ARHGAP19: variants seen among roughly 807,000 people sequenced by gnomAD.
ARHGAP19 encodes rho GTPase-activating protein 19.
Under a neutral mutation model 60.9 loss-of-function variants are expected in ARHGAP19, and 48 were observed. The ratio of observed to expected loss-of-function variants is 0.79; its 90% CI spans 0.62 to 1.00. The LOEUF is 1.00. Ranked by LOEUF, ARHGAP19 falls within the 50% of genes least tolerant of loss-of-function variation. ARHGAP19 has a pLI of 0.00. For missense variants in ARHGAP19, 562 were observed against 597.2 expected, an observed-to-expected ratio of 0.94 and a Z score of 0.61; for synonymous variants, 209 against 215.5, an observed-to-expected ratio of 0.97 and a Z score of 0.27.
intron 8 of ARHGAP19, among the ~76,000 whole-genome samples, chr10:97,237,781 G>C (rs747296351): frequency 2.0e-5 from 3 of 151,968 alleles, no homozygotes; most frequent in Admixed American, 1.3e-4. Context: ...TGAGGCAGGA[G>C]AATCGCTTGA....
intron 6 of ARHGAP19, among the ~76,000 whole-genome samples, chr10:97,250,785 G>T (rs1465054461): frequency 1.3e-5 from 2 of 151,596 alleles, no homozygotes; most frequent in Non-Finnish European, 2.9e-5. Flanking sequence ...AAGAAAGAAG[G>T]CCAAGAGCGG....
chr10:97,262,180 A>T (rs78428250), intron 4 of ARHGAP19, among the ~76,000 whole-genome samples: 5 of 124,470 alleles, frequency 4.0e-5, no homozygotes, highest in East Asian at 6.2e-4. Flanking sequence ...GCTTTCTTTT[A>T]AAAAAAAAAA....
intron 1 of ARHGAP19, among the ~76,000 whole-genome samples, chr10:97,281,982 G>A (rs1843091253): frequency 6.6e-6 from 1 of 152,122 alleles, no homozygotes; most frequent in Admixed American, 6.6e-5. Context: ...GTACACAGGG[G>A]AGTTACAGAG....
intron 6 of ARHGAP19, among the ~76,000 whole-genome samples, chr10:97,252,553 G>A (rs1051045582): frequency 6.6e-6 from 1 of 151,700 alleles, no homozygotes; most frequent in Admixed American, 6.6e-5. Flanking sequence ...GAACCTGGGA[G>A]GCAGAGCTTG....
intron 9 of ARHGAP19, among the ~76,000 whole-genome samples, chr10:97,231,913 C>T (rs2134810884): frequency 1.3e-5 from 2 of 151,590 alleles, no homozygotes; most frequent in East Asian, 3.9e-4. Context: ...CATTTTACAT[C>T]CCTATCAATA....
chr10:97,258,834 AAG>A (rs987240278), intron 5 of ARHGAP19: 26 of 152,350 alleles, frequency 1.7e-4, no homozygotes, highest in African/African-American at 5.8e-4. Context: ...TAAAAAAAAA[AAG>A]AGAGTGAGTT....
intron 1 of ARHGAP19, among the ~76,000 whole-genome samples, chr10:97,276,812 C>T (rs1364549475): frequency 6.3e-4 from 6 of 9,514 alleles, no homozygotes; most frequent in African/African-American, 7.4e-4. Context: ...CCAGCCGCCC[C>T]GTCCGGGAGG....
At chr10:97,290,939 C>T (rs1843222852) in intron 1 of ARHGAP19, among the ~76,000 whole-genome samples, 3 of 152,086 alleles carry the variant, frequency 2.0e-5, no homozygotes, top group South Asian at 4.1e-4. Flanking sequence ...AGAAGGGGGA[C>T]TGAGAGACAG....
Position 97,289,900 on chromosome 10 carries a change from GAAAAT to G in ARHGAP19, c.56+2667_56+2671del, listed in dbSNP as rs1164134212. On this transcript the variant is annotated intron_variant, in intron 1 of 11. Transcript: ENST00000358531. ...GAAAGAAAAGAAAAAGAAAAGAAAA[GAAAAT>G]AAATTCAAACTACTCTTGCTATGGA... Among the ~76,000 whole-genome samples, 14 of 151,050 alleles carry G rather than the reference GAAAAT, an allele frequency of 9.3e-5. No individual in the cohort carries two copies. In the South Asian group the frequency reaches 2.3e-3, roughly 25 times the overall value.
chr10:97,286,522 G>A (rs889908819), intron 1 of ARHGAP19, among the ~76,000 whole-genome samples: 1 of 152,206 alleles, frequency 6.6e-6, no homozygotes, highest in Non-Finnish European at 1.5e-5. Flanking sequence ...AACCCAGAAG[G>A]CGGAGGTTGC....
chr10:97,243,951 T>G lies in ARHGAP19; in HGVS notation c.1185+17A>C, dbSNP rs202160700. The G allele has an allele frequency of 2.5e-6, 4 of 1,587,706 alleles. No homozygotes were observed. In the East Asian group the frequency reaches 8.9e-5, roughly 36 times the overall value. The stretch of plus-strand genomic sequence containing the variant: ...ACACTCCTAAAGCCCCATCACAACT[T>G]CCCTGCCTTTAGGCACCTGTCTAAT... On this transcript the variant is annotated intron_variant, in intron 8 of 11. Transcript: ENST00000358531.
chr10:97,259,513 C>CA lies in ARHGAP19; in HGVS notation c.728dup (p.Lys244GlufsTer5). 6.2e-7 allele frequency: 1 copy of CA among 1,614,172 alleles called. No homozygotes were observed. The highest frequency in any genetic ancestry group is 8.5e-7 in the Non-Finnish European group (1 of 1,180,026). On this transcript the variant is annotated frameshift_variant, in exon 5 of 12. Transcript: ENST00000358531. LOFTEE classifies it high-confidence loss of function. ...GGTATAGGAGATCAAGCAATAACTT[C>CA]AGCAAATTACGATTAGGAGGAGGGA...
At chr10:97,229,022 G>A in intron 11 of ARHGAP19, 125 bp downstream of exon 11, 1 of 908,498 alleles carries the variant, frequency 1.1e-6, no homozygotes, top group Non-Finnish European at 1.8e-6. Flanking sequence ...CAAGGACCTG[G>A]CCTTGTAATT....
chr10:97,228,504 A>G (rs1850941027), intron 11 of ARHGAP19, among the ~76,000 whole-genome samples: 1 of 152,222 alleles, frequency 6.6e-6, no homozygotes. Flanking sequence ...TTCATAGAGA[A>G]TGGGTGGTTT....
intron 1 of ARHGAP19, among the ~76,000 whole-genome samples, chr10:97,290,038 CAA>C (rs879609753): frequency 7.1e-6 from 1 of 140,624 alleles, no homozygotes; most frequent in African/African-American, 2.6e-5. Context: ...AGTTCCCGGG[CAA>C]AAAAAAAAAA....
Position 97,224,833 on chromosome 10 carries a change from C to G in ARHGAP19, c.*1289G>C, listed in dbSNP as rs1432224623. ...ACTAGGTCAAAGCCATGCCACTGCT[C>G]TATCCAACACAAGTGAACACACCAA... On this transcript the variant is annotated 3_prime_UTR_variant, in exon 12 of 12. Transcript: ENST00000358531. The G allele has an allele frequency of 6.6e-6, 1 of 152,346 alleles. No individual in the cohort carries two copies. The highest frequency in any genetic ancestry group is 2.4e-5 in the African/African-American group (1 of 41,460). 9.4% of individuals were successfully genotyped at this position (152,346 alleles called of 1,614,324 possible). A position where few individuals can be genotyped will look rare whatever the true frequency, so the allele number is the denominator to read the frequency against.
chr10:97,279,344 C>A (rs1451090673), intron 1 of ARHGAP19, among the ~76,000 whole-genome samples: 3 of 152,118 alleles, frequency 2.0e-5, no homozygotes, highest in Non-Finnish European at 4.4e-5. Flanking sequence ...AAGGTCTGCC[C>A]TTAGGAGTAG....
At chr10:97,258,471 T>C (rs907347867) in intron 5 of ARHGAP19, among the ~76,000 whole-genome samples, 1 of 151,982 alleles carries the variant, frequency 6.6e-6, no homozygotes, top group African/African-American at 2.4e-5. Context: ...GAGGCAGAGA[T>C]TGCACTGAGC....
chr10:97,256,229 C>T (rs1564720604), intron 6 of ARHGAP19, 89 bp downstream of exon 6: 11 of 1,070,106 alleles, frequency 1.0e-5, no homozygotes, highest in Admixed American at 1.9e-5. Context: ...ACCTTTTTCT[C>T]GTTTAGTTAT....
Sources: allele counts gnomAD v4.1 joint callset (sites outside exome capture counted in the v4.1 genomes callset), GRCh38; gene constraint gnomAD v4.1.1; transcripts MANE v1.5; gene names NCBI Gene and HGNC (gene_info 2026-07-23, HGNC 2026-07-21).